L3MBTL4: variants seen among roughly 807,000 people sequenced by gnomAD.
L3MBTL4 encodes L3MBTL histone methyl-lysine binding protein 4, also known as lethal(3)malignant brain tumor-like protein 4.
A neutral mutation model predicts 84.5 loss-of-function variants in L3MBTL4; 70 were observed. The ratio of observed to expected loss-of-function variants is 0.83; its 90% CI spans 0.68 to 1.01. The LOEUF (loss-of-function observed/expected upper bound fraction) is 1.01. Among genes scored for constraint, L3MBTL4 ranks in the 50% least tolerant of loss-of-function variants. The pLI is 0.00. For synonymous variants in L3MBTL4, 274 were observed against 259.8 expected (o/e 1.05, Z -0.52); for missense variants, 715 against 754.8 (o/e 0.95, Z 0.62).
chr18:5,964,162 C>T (rs1308503840), intron 17 of L3MBTL4, among the ~76,000 whole-genome samples: 1 of 152,234 alleles, frequency 6.6e-6, no homozygotes, highest in Non-Finnish European at 1.5e-5. Flanking sequence ...CAGTGTCCTA[C>T]AGCTAAAATC....
At chr18:6,036,782 T>G (rs1002536024) in intron 16 of L3MBTL4, among the ~76,000 whole-genome samples, 1 of 152,198 alleles carries the variant, frequency 6.6e-6, no homozygotes, top group Admixed American at 6.5e-5. Context: ...TTAAAATTGT[T>G]GTTGTTTGAT....
rs117595647 is a variant in L3MBTL4, at chr18:6,026,299, G to T, written c.1444+54582C>A. On this transcript the variant is annotated intron_variant, in intron 16 of 18. Coordinates refer to ENST00000317931, the MANE Select transcript of L3MBTL4 (RefSeq NM_001330559.2). ...GCCCCTTTGACCATTATTTCAAGTG[G>T]GGTTATTTTCCTTAGTTAAAATATT... 3.0e-3 allele frequency among the ~76,000 whole-genome samples: 452 copies of T among 152,216 alleles called. 1 individual carries two copies. The highest frequency in any genetic ancestry group is 6.8e-3 in the Middle Eastern group (2 of 294).
chr18:6,121,582 A>C lies in L3MBTL4; in HGVS notation c.1199+16612T>G, dbSNP rs182152150. Among the ~76,000 whole-genome samples, 211 of 152,284 alleles carry C rather than the reference A, an allele frequency of 1.4e-3. 1 individual carries two copies. The highest frequency in any genetic ancestry group is 2.4e-3 in the Non-Finnish European group (163 of 68,012). On this transcript the variant is annotated intron_variant, in intron 14 of 18. Coordinates refer to ENST00000317931, the MANE Select transcript of L3MBTL4 (RefSeq NM_001330559.2). ...TCTTATTGATATTTCATGTCTTACA[A>C]GGAGCACTTTCACAGCCCTACACAC...
chr18:6,216,741 A>G (rs1454465165), intron 10 of L3MBTL4, among the ~76,000 whole-genome samples: 1 of 152,268 alleles, frequency 6.6e-6, no homozygotes, highest in East Asian at 1.9e-4. Flanking sequence ...CTAGAAACCA[A>G]TTATAATTGT....
chr18:6,350,089 C>G (rs759877825), intron 1 of L3MBTL4, among the ~76,000 whole-genome samples: 1 of 152,188 alleles, frequency 6.6e-6, no homozygotes, highest in Admixed American at 6.5e-5. Context: ...TACCTTACAC[C>G]ATATACAAAA....
At chr18:6,301,683 A>G (rs2050345502) in intron 4 of L3MBTL4, among the ~76,000 whole-genome samples, 1 of 152,260 alleles carries the variant, frequency 6.6e-6, no homozygotes. Flanking sequence ...AGGCAAATAA[A>G]TGAGATAACA....
At chr18:6,102,870 G>T (rs2058878712) in intron 14 of L3MBTL4, among the ~76,000 whole-genome samples, 1 of 152,168 alleles carries the variant, frequency 6.6e-6, no homozygotes, top group South Asian at 2.1e-4. Context: ...TATGCTGTTT[G>T]TTATAGGTAA....
At chr18:6,111,399 A>G (rs1054649744) in intron 14 of L3MBTL4, among the ~76,000 whole-genome samples, 3 of 152,190 alleles carry the variant, frequency 2.0e-5, no homozygotes, top group Non-Finnish European at 2.9e-5. Flanking sequence ...GGATTTTTTA[A>G]AACAATTATT....
chr18:6,120,919 TACAA>T (rs1408836312), intron 14 of L3MBTL4, among the ~76,000 whole-genome samples: 1 of 152,188 alleles, frequency 6.6e-6, no homozygotes, highest in African/African-American at 2.4e-5. Context: ...ATAGCGCTGC[TACAA>T]ACATTCTGGT....
intron 1 of L3MBTL4, among the ~76,000 whole-genome samples, chr18:6,408,580 G>T (rs1436783229): frequency 6.6e-6 from 1 of 152,064 alleles, no homozygotes; most frequent in Non-Finnish European, 1.5e-5. Context: ...ACAGTTTGCT[G>T]CAGTCTTCAC....
chr18:6,041,970 G>T (rs2056423044), intron 16 of L3MBTL4, among the ~76,000 whole-genome samples: 2 of 151,896 alleles, frequency 1.3e-5, no homozygotes, highest in Admixed American at 6.6e-5. Context: ...TGATCCTCCT[G>T]CCTTGGCCTC....
chr18:6,154,581 C>A (rs187619954), intron 13 of L3MBTL4, among the ~76,000 whole-genome samples: 6 of 152,254 alleles, frequency 3.9e-5, no homozygotes, highest in African/African-American at 1.4e-4. Flanking sequence ...TGCAAACAAC[C>A]TGGTATTTAA....
Position 6,212,962 on chromosome 18 carries a change from G to A in L3MBTL4, c.981+187C>T, listed in dbSNP as rs372027307. Among the ~76,000 whole-genome samples, 278 of 152,220 alleles carry A rather than the reference G, an allele frequency of 1.8e-3. 1 individual carries two copies. The highest frequency in any genetic ancestry group is 0.017 in the Middle Eastern group (5 of 294). ...TGAGTTATACACTCTCCTTTTTTAG[G>A]GATCCTCTAGTCCCATCTTGGCCAG... On this transcript the variant is annotated intron_variant, in intron 12 of 18. Transcript: ENST00000317931.
intron 16 of L3MBTL4, among the ~76,000 whole-genome samples, chr18:6,051,454 G>C (rs563769486): frequency 6.6e-6 from 1 of 152,118 alleles, no homozygotes; most frequent in African/African-American, 2.4e-5. Flanking sequence ...CAGGAGAATC[G>C]CTTGAACTTG....
intron 16 of L3MBTL4, among the ~76,000 whole-genome samples, chr18:6,000,711 C>T (rs1250255371): frequency 1.3e-5 from 2 of 152,152 alleles, no homozygotes; most frequent in Non-Finnish European, 2.9e-5. Flanking sequence ...CCATGTGCCA[C>T]ATTCAGTGAA....
At chr18:6,055,983 A>C (rs73378042) in intron 16 of L3MBTL4, among the ~76,000 whole-genome samples, 3 of 152,164 alleles carry the variant, frequency 2.0e-5, no homozygotes, top group African/African-American at 7.2e-5. Context: ...TAAGGCGATG[A>C]CCTCAGAGTT....
chr18:5,972,217 T>C (rs2052672729), intron 16 of L3MBTL4, among the ~76,000 whole-genome samples: 1 of 152,368 alleles, frequency 6.6e-6, no homozygotes, highest in East Asian at 1.9e-4. Context: ...GAATCTGTTA[T>C]ATGTTGAACA....
At chr18:6,049,828 T>G (rs2056777885) in intron 16 of L3MBTL4, among the ~76,000 whole-genome samples, 1 of 152,192 alleles carries the variant, frequency 6.6e-6, no homozygotes, top group African/African-American at 2.4e-5. Context: ...ATGTAATATA[T>G]CCGTATAACA....
intron 5 of L3MBTL4, among the ~76,000 whole-genome samples, chr18:6,247,892 C>T (rs1258535128): frequency 2.6e-5 from 4 of 151,818 alleles, no homozygotes; most frequent in Non-Finnish European, 2.9e-5. Flanking sequence ...GTGTTGTGTC[C>T]TTCTCAGGGT....
Sources: gnomAD v4.1 joint callset for allele counts (sites outside exome capture counted in the v4.1 genomes callset) on GRCh38, gnomAD v4.1.1 for gene constraint, MANE v1.5 for transcripts, NCBI Gene and HGNC (gene_info 2026-07-23, HGNC 2026-07-21) for gene names.